Variants in C3orf20 observed in about 807,000 individuals in gnomAD.
C3orf20 encodes family with sequence similarity 149 member C.
C3orf20 carries 76 observed loss-of-function variants against 88.3 expected under a neutral mutation model. The ratio of observed to expected loss-of-function variants is 0.86; its 90% CI spans 0.72 to 1.04. C3orf20 has a LOEUF of 1.04. Among genes scored for constraint, C3orf20 ranks in the 50% least tolerant of loss-of-function variants. C3orf20 has a pLI of 0.00. For missense variants in C3orf20, 1,056 were observed against 1,123.3 expected, an observed-to-expected ratio of 0.94 and a Z score of 0.86; for synonymous variants, 436 against 437.4, an observed-to-expected ratio of 1.00 and a Z score of 0.04.
At chr3:14,747,670 C>G (rs1216787638) in intron 12 of C3orf20, among the ~76,000 whole-genome samples, 2 of 152,110 alleles carry the variant, frequency 1.3e-5, no homozygotes, top group Non-Finnish European at 2.9e-5. Flanking sequence ...CAAAGACAAT[C>G]AGAGTAAGGC....
At chr3:14,722,824 A>G (rs573441423) in intron 10 of C3orf20, among the ~76,000 whole-genome samples, 1 of 152,332 alleles carries the variant, frequency 6.6e-6, no homozygotes, top group South Asian at 2.1e-4. Flanking sequence ...CCTACTGTGT[A>G]TCTGGTGATG....
intron 15 of C3orf20, among the ~76,000 whole-genome samples, chr3:14,769,041 G>C (rs2035793319): frequency 6.6e-6 from 1 of 152,032 alleles, no homozygotes; most frequent in South Asian, 2.1e-4. Flanking sequence ...CCCATCATTT[G>C]GTTCATTCGT....
intron 10 of C3orf20, 87 bp from the exon 11 acceptor site, chr3:14,726,814 A>AC: frequency 6.3e-7 from 1 of 1,581,296 alleles, no homozygotes; most frequent in Admixed American, 1.7e-5. Context: ...CATCCTCTGA[A>AC]CCGGAGCAAG....
At chr3:14,719,106 T>A (rs1354522094) in intron 9 of C3orf20, among the ~76,000 whole-genome samples, 1 of 151,630 alleles carries the variant, frequency 6.6e-6, no homozygotes, top group African/African-American at 2.4e-5. Context: ...TGTTCACTCT[T>A]CATAGCCTTT....
intron 5 of C3orf20, among the ~76,000 whole-genome samples, chr3:14,696,190 A>G (rs2032991149): frequency 1.3e-5 from 2 of 150,822 alleles, no homozygotes; most frequent in African/African-American, 4.9e-5. Context: ...GCTTGCAAAT[A>G]CTATCCTATA....
intron 7 of C3orf20, among the ~76,000 whole-genome samples, chr3:14,705,537 A>G (rs1559409174): frequency 6.6e-6 from 1 of 152,188 alleles, no homozygotes; most frequent in Non-Finnish European, 1.5e-5. Context: ...AGTGAAGAGG[A>G]GTTTGAATTT....
At chr3:14,746,141 A>G (rs2035051099) in intron 12 of C3orf20, among the ~76,000 whole-genome samples, 1 of 152,234 alleles carries the variant, frequency 6.6e-6, no homozygotes, top group Non-Finnish European at 1.5e-5. Context: ...TATTTGGGAA[A>G]ACAAACTTGC....
At chr3:14,678,859 T>C (rs1489340691) in intron 1 of C3orf20, among the ~76,000 whole-genome samples, 1 of 152,178 alleles carries the variant, frequency 6.6e-6, no homozygotes, top group African/African-American at 2.4e-5. Flanking sequence ...AGACAATACA[T>C]TTCAGTATTT....
intron 9 of C3orf20, among the ~76,000 whole-genome samples, chr3:14,716,787 C>T (rs1263811308): frequency 6.6e-6 from 1 of 152,168 alleles, no homozygotes; most frequent in Non-Finnish European, 1.5e-5. Context: ...GGCTGCGTAT[C>T]AGAGTCACCT....
At chr3:14,700,655 A>G (rs948449756) in intron 5 of C3orf20, among the ~76,000 whole-genome samples, 4 of 152,196 alleles carry the variant, frequency 2.6e-5, no homozygotes, top group African/African-American at 9.7e-5. Flanking sequence ...ATGCTGCATT[A>G]TAGGGTCTTA....
chr3:14,748,664 A>C (rs1331015669), intron 12 of C3orf20, among the ~76,000 whole-genome samples: 1 of 152,018 alleles, frequency 6.6e-6, no homozygotes, highest in Non-Finnish European at 1.5e-5. Flanking sequence ...TCATTTCCTT[A>C]AAGTGTTGTT....
At chr3:14,698,409 C>T (rs1226490585) in intron 5 of C3orf20, among the ~76,000 whole-genome samples, 2 of 152,114 alleles carry the variant, frequency 1.3e-5, no homozygotes, top group Non-Finnish European at 2.9e-5. Flanking sequence ...GTTGTTTGTA[C>T]TTTTCCTTTT....
rs149032961 is a variant in C3orf20, at chr3:14,757,513, G to A, written c.2083G>A (p.Val695Met). The A allele has an allele frequency of 4.2e-5, 68 of 1,613,982 alleles. No homozygotes were observed. The highest frequency in any genetic ancestry group is 2.9e-4 in the East Asian group (13 of 44,888). ...GGTGAAGGCGCCCCTGGTCTCTGAC[G>A]TGGAGCTGGAGCGCTTCCTGTTGGC... ...CLVKAPLVSD[V>M]ELERFLLAPR... Residue 695 changes from valine to methionine, a missense_variant, in exon 13 of 17, where the codon GTG becomes ATG. Transcript: ENST00000253697.
chr3:14,688,307 A>T (rs1213055288), intron 4 of C3orf20, among the ~76,000 whole-genome samples: 1 of 151,706 alleles, frequency 6.6e-6, no homozygotes, highest in Non-Finnish European at 1.5e-5. Context: ...AGGCAGGAGG[A>T]TTGCTTGAGG....
intron 12 of C3orf20, among the ~76,000 whole-genome samples, chr3:14,747,638 C>T (rs2035093899): frequency 6.6e-6 from 1 of 152,116 alleles, no homozygotes; most frequent in South Asian, 2.1e-4. Context: ...TGATTTTTCT[C>T]TTCAGTCATC....
At chr3:14,708,112 G>A (rs960155102) in intron 7 of C3orf20, among the ~76,000 whole-genome samples, 33 of 151,928 alleles carry the variant, frequency 2.2e-4, no homozygotes, top group Non-Finnish European at 3.7e-4. Context: ...ATGAGCCACC[G>A]TGCCCGGCCC....
At chr3:14,692,628 T>G (rs1402625824) in intron 5 of C3orf20, among the ~76,000 whole-genome samples, 1 of 152,216 alleles carries the variant, frequency 6.6e-6, no homozygotes, top group Non-Finnish European at 1.5e-5. Flanking sequence ...TCCTTATATA[T>G]TCTCGTCTGG....
At chr3:14,715,994 C>T (rs528682460) in intron 9 of C3orf20, among the ~76,000 whole-genome samples, 1 of 151,662 alleles carries the variant, frequency 6.6e-6, no homozygotes, top group South Asian at 2.1e-4. Flanking sequence ...ATTAATAAAG[C>T]AACTAACTGT....
At chr3:14,695,847 TC>T (rs1308680970) in intron 5 of C3orf20, among the ~76,000 whole-genome samples, 1 of 152,162 alleles carries the variant, frequency 6.6e-6, no homozygotes, top group African/African-American at 2.4e-5. Context: ...CATCTTTTTT[TC>T]GTTCCTTTAT....
Sources: gnomAD v4.1 joint callset for allele counts (sites outside exome capture counted in the v4.1 genomes callset) on GRCh38, gnomAD v4.1.1 for gene constraint, MANE v1.5 for transcripts, NCBI Gene and HGNC (gene_info 2026-07-23, HGNC 2026-07-21) for gene names.